Variants in DPYD observed in about 807,000 individuals in gnomAD.
The protein encoded by DPYD is dihydropyrimidine dehydrogenase [NADP(+)].
DPYD carries 109 observed loss-of-function variants against 116.2 expected under a neutral mutation model. That is an observed-to-expected ratio of 0.94 (90% confidence interval 0.80 to 1.10). The LOEUF (loss-of-function observed/expected upper bound fraction) is 1.10. Among genes scored for constraint, DPYD ranks in the 50% least tolerant of loss-of-function variants. DPYD has a pLI of 0.00. For synonymous variants in DPYD, 440 were observed against 432.0 expected, an observed-to-expected ratio of 1.02 and a Z score of -0.23; for missense variants, 1,302 against 1,254.5, an observed-to-expected ratio of 1.04 and a Z score of -0.57.
intron 13 of DPYD, among the ~76,000 whole-genome samples, chr1:97,504,416 A>C (rs903892439): frequency 1.3e-5 from 2 of 151,964 alleles, no homozygotes; most frequent in Non-Finnish European, 2.9e-5. Flanking sequence ...CCCATATTTA[A>C]ATAAGTAATG....
chr1:97,686,054 G>C (rs1368860384), intron 7 of DPYD, among the ~76,000 whole-genome samples: 2 of 152,056 alleles, frequency 1.3e-5, no homozygotes, highest in Admixed American at 6.5e-5. Context: ...CAAAACTGGA[G>C]GCATCATGCT....
chr1:97,329,299 T>C (rs1020829506), intron 16 of DPYD, among the ~76,000 whole-genome samples: 1 of 152,206 alleles, frequency 6.6e-6, no homozygotes, highest in African/African-American at 2.4e-5. Flanking sequence ...CAGCCATTTA[T>C]ATTACAAGCA....
chr1:97,119,423 G>GGT (rs371518344), intron 20 of DPYD, among the ~76,000 whole-genome samples: 5 of 151,850 alleles, frequency 3.3e-5, no homozygotes, highest in African/African-American at 7.2e-5. Flanking sequence ...CTCAAATGCT[G>GGT]GTGTGTGTGT....
chr1:97,292,530 C>T (rs1666264041), intron 18 of DPYD, among the ~76,000 whole-genome samples: 1 of 152,156 alleles, frequency 6.6e-6, no homozygotes, highest in African/African-American at 2.4e-5. Context: ...GGGTCCCTCC[C>T]ATGACATGTG....
intron 18 of DPYD, among the ~76,000 whole-genome samples, chr1:97,250,227 G>A (rs1310145701): frequency 1.3e-5 from 2 of 151,978 alleles, no homozygotes; most frequent in African/African-American, 4.8e-5. Context: ...CCGAGATCAC[G>A]CCATTGCACC....
intron 3 of DPYD, among the ~76,000 whole-genome samples, chr1:97,780,449 G>A (rs2101206991): frequency 6.6e-6 from 1 of 152,294 alleles, no homozygotes; most frequent in Non-Finnish European, 1.5e-5. Flanking sequence ...ATAATGCTTA[G>A]TTTAATTACT....
chr1:97,485,773 C>T (rs929281239), intron 13 of DPYD, among the ~76,000 whole-genome samples: 1 of 152,072 alleles, frequency 6.6e-6, no homozygotes, highest in African/African-American at 2.4e-5. Flanking sequence ...CAAGGCTGCC[C>T]CCAGATAGTT....
intron 3 of DPYD, among the ~76,000 whole-genome samples, chr1:97,819,555 A>C (rs1396361383): frequency 6.6e-6 from 1 of 152,026 alleles, no homozygotes; most frequent in African/African-American, 2.4e-5. Context: ...TTTCCATACT[A>C]TTAAACAACC....
chr1:97,528,122 C>T (rs1430888394), intron 12 of DPYD, among the ~76,000 whole-genome samples: 1 of 152,140 alleles, frequency 6.6e-6, no homozygotes, highest in Non-Finnish European at 1.5e-5. Context: ...AGTTCCTTCG[C>T]TCTTTGAAGA....
chr1:97,197,744 C>G (rs946286620), intron 19 of DPYD, among the ~76,000 whole-genome samples: 10 of 152,138 alleles, frequency 6.6e-5, no homozygotes, highest in Non-Finnish European at 1.5e-4. Context: ...CACTTCTAGA[C>G]TCTTTATCAT....
chr1:97,156,300 T>A (rs1655452357), intron 20 of DPYD, among the ~76,000 whole-genome samples: 1 of 152,026 alleles, frequency 6.6e-6, no homozygotes, highest in South Asian at 2.1e-4. Flanking sequence ...CTGCATTCTT[T>A]AAAGAAACTA....
At chr1:97,522,448 C>T (rs1224088582) in intron 12 of DPYD, among the ~76,000 whole-genome samples, 2 of 152,072 alleles carry the variant, frequency 1.3e-5, no homozygotes, top group African/African-American at 2.4e-5. Flanking sequence ...GTATGTCGGG[C>T]GTGGTGGCTC....
At chr1:97,337,646 T>C (rs1669369627) in intron 16 of DPYD, among the ~76,000 whole-genome samples, 1 of 105,932 alleles carries the variant, frequency 9.4e-6, no homozygotes, top group Non-Finnish European at 2.2e-5. Flanking sequence ...GCTCATGACT[T>C]AACACATTTT....
At chr1:97,178,763 G>A (rs1303292309) in intron 20 of DPYD, among the ~76,000 whole-genome samples, 3 of 152,168 alleles carry the variant, frequency 2.0e-5, no homozygotes, top group Non-Finnish European at 4.4e-5. Context: ...AATCCTCATA[G>A]GCTGGTTGTA....
intron 19 of DPYD, among the ~76,000 whole-genome samples, chr1:97,206,687 T>TAA (rs1553233605): frequency 0.034 from 2,416 of 71,444 alleles, 264 homozygotes; most frequent in East Asian, 0.074. Flanking sequence ...TATATATATA[T>TAA]AATCTATATG....
At chr1:97,380,043 C>G in intron 15 of DPYD, among the ~76,000 whole-genome samples, 1 of 152,160 alleles carries the variant, frequency 6.6e-6, no homozygotes, top group Non-Finnish European at 1.5e-5. Flanking sequence ...TTGTATACTT[C>G]AATAAAGCTT....
intron 20 of DPYD, among the ~76,000 whole-genome samples, chr1:97,170,915 C>G (rs1290024527): frequency 6.6e-6 from 1 of 152,034 alleles, no homozygotes; most frequent in African/African-American, 2.4e-5. Context: ...CCTCATGATC[C>G]ACAAACCTCG....
intron 11 of DPYD, among the ~76,000 whole-genome samples, chr1:97,567,207 A>G (rs1652581462): frequency 6.6e-6 from 1 of 152,144 alleles, no homozygotes; most frequent in Admixed American, 6.6e-5. Context: ...GGGGCAAGTG[A>G]ATCAAAGCTA....
intron 19 of DPYD, among the ~76,000 whole-genome samples, chr1:97,195,630 A>ATGTG (rs1557929518): frequency 2.1e-5 from 1 of 47,212 alleles, no homozygotes; most frequent in Admixed American, 3.4e-4. Flanking sequence ...GTGTATATGT[A>ATGTG]TGTGTATATA....
Sources: allele counts gnomAD v4.1 joint callset (sites outside exome capture counted in the v4.1 genomes callset), GRCh38; gene constraint gnomAD v4.1.1; transcripts MANE v1.5; gene names NCBI Gene and HGNC (gene_info 2026-07-23, HGNC 2026-07-21).